Variants in ANXA10 observed in about 807,000 individuals in gnomAD.
The protein encoded by ANXA10 is annexin A10.
ANXA10 carries 49 observed loss-of-function variants against 53.5 expected under a neutral mutation model. That is an observed-to-expected ratio of 0.92 (90% CI 0.73 to 1.16). The LOEUF (loss-of-function observed/expected upper bound fraction) is 1.16. ANXA10 is among the 50% of genes most tolerant of loss of function. ANXA10 has a pLI of 0.00. For synonymous variants in ANXA10, 131 were observed against 128.9 expected (o/e 1.02, Z -0.11); for missense variants, 393 against 394.4 (o/e 1.00, Z 0.03).
chr4:168,178,237 G>C (rs1376699469), intron 8 of ANXA10: 8 of 448,120 alleles, frequency 1.8e-5, no homozygotes, highest in South Asian at 1.0e-4. Context: ...GTATTTGATG[G>C]AGTACTTATT....
At chr4:168,164,312 T>C in intron 5 of ANXA10, 24 bp downstream of exon 5, 1 of 1,513,158 alleles carries the variant, frequency 6.6e-7, no homozygotes, top group Admixed American at 1.7e-5. Context: ...CATATGTGAA[T>C]ATATTTTACA....
chr4:168,135,394 C>T (rs1263233349), intron 2 of ANXA10, among the ~76,000 whole-genome samples: 1 of 152,142 alleles, frequency 6.6e-6, no homozygotes, highest in Non-Finnish European at 1.5e-5. Context: ...CTGCAAGAGG[C>T]TGGGAGGAGA....
intron 1 of ANXA10, among the ~76,000 whole-genome samples, chr4:168,095,454 T>C (rs1730526462): frequency 6.6e-6 from 1 of 152,066 alleles, no homozygotes; most frequent in African/African-American, 2.4e-5. Flanking sequence ...AAAAGTAGGA[T>C]ACATGTTGAT....
intron 8 of ANXA10, 65 bp from the exon 9 acceptor site, chr4:168,179,152 A>T: frequency 1.0e-6 from 1 of 995,476 alleles, no homozygotes; most frequent in African/African-American, 1.6e-5. Flanking sequence ...TACTATGTGT[A>T]ACAATCTAAT....
At position 168,164,199 on chromosome 4, in the gene ANXA10, G is replaced by A. The variant is rs1194895863; in HGVS notation, c.311G>A (p.Gly104Glu). 1 of 1,602,580 alleles carries A rather than the reference G, an allele frequency of 6.2e-7. No homozygotes were observed. Among genetic ancestry groups the A allele is most frequent in the African/African-American group, 1.3e-5 (1 of 74,552 alleles). Residue 104 changes from glycine (G) to glutamate (E), a missense_variant and splice_region_variant, in exon 5 of 12, where the codon GGA becomes GAA. Physicochemically the swap from Gly to Glu is moderately conservative, Grantham distance 98 (BLOSUM62 -2). Coordinates refer to ENST00000359299, the MANE Select transcript of ANXA10 (RefSeq NM_007193.5). Reference sequence around the variant, plus strand: ...TTATCTCTTTTTTCCTTTCTCTAGGGAGTAGGCACTGATGAGAATTGCCTC... The same window carrying A: ...TTATCTCTTTTTTCCTTTCTCTAGGAAGTAGGCACTGATGAGAATTGCCTC... ...DAHELWHAMKGVGTDENCLIE... is the reference protein window; with the variant it reads ...DAHELWHAMKEVGTDENCLIE...
chr4:168,117,734 G>A (rs1001308142), intron 1 of ANXA10, among the ~76,000 whole-genome samples: 2 of 152,126 alleles, frequency 1.3e-5, no homozygotes, highest in Non-Finnish European at 2.9e-5. Flanking sequence ...AAATAAATGT[G>A]AGCTATACAT....
chr4:168,179,104 G>A (rs1732188570), intron 8 of ANXA10, 113 bp from the exon 9 acceptor site: 1 of 664,684 alleles, frequency 1.5e-6, no homozygotes, highest in Non-Finnish European at 2.6e-6. Context: ...ATTGATAACA[G>A]TAGTACTTTT....
intron 6 of ANXA10, among the ~76,000 whole-genome samples, chr4:168,166,585 A>C (rs1220257995): frequency 6.6e-6 from 1 of 151,954 alleles, no homozygotes; most frequent in African/African-American, 2.4e-5. Context: ...CAGCTGAGAA[A>C]CATGTCTTAA....
intron 1 of ANXA10, among the ~76,000 whole-genome samples, chr4:168,105,372 T>C (rs10027219): frequency 0.33 from 49,939 of 151,848 alleles, 8,617 homozygotes; most frequent in Admixed American, 0.41. Context: ...GTGATATTTG[T>C]TTTTCTCTTC....
In ANXA10 at chr4:168,118,134, A is replaced by C. The variant is rs140505346; in HGVS notation, c.19-9950A>C. Reference sequence around the variant, plus strand: ...ATCAATTTATAACCAAACAATGTTGATCAAAATGACGTAACTAGAGGACCT... The same window carrying C: ...ATCAATTTATAACCAAACAATGTTGCTCAAAATGACGTAACTAGAGGACCT... On this transcript the variant is annotated intron_variant, in intron 1 of 11. Transcript: ENST00000359299. 1.6e-3 allele frequency among the ~76,000 whole-genome samples: 247 copies of C among 151,996 alleles called. 1 individual carries two copies. The highest frequency in any genetic ancestry group is 5.5e-3 in the African/African-American group (227 of 41,426).
chr4:168,164,510 T>C (rs1295904537), intron 5 of ANXA10, among the ~76,000 whole-genome samples: 2 of 151,974 alleles, frequency 1.3e-5, no homozygotes, highest in Non-Finnish European at 1.5e-5. Context: ...TCCAGGAAAA[T>C]AATTACAAGT....
At chr4:168,104,594 T>C (rs1730689633) in intron 1 of ANXA10, among the ~76,000 whole-genome samples, 1 of 151,968 alleles carries the variant, frequency 6.6e-6, no homozygotes, top group Non-Finnish European at 1.5e-5. Flanking sequence ...TTAAGTTAAC[T>C]GCTTTTCTTG....
In ANXA10 at chr4:168,177,488, T is replaced by G. The variant is rs1318323967; in HGVS notation, c.481-252T>G. On this transcript the variant is annotated intron_variant, in intron 6 of 11. Transcript: ENST00000359299. ...CACAGAGACTTGGAAAACTGAAAAA[T>G]GCCTAAATGTCTTTCAAACATTACC... 2.6e-5 allele frequency among the ~76,000 whole-genome samples: 4 copies of G among 152,208 alleles called. No individual in the cohort carries two copies. The East Asian group carries it at 7.7e-4, about 29-fold the overall frequency.
At chr4:168,148,021 C>T (rs1316043303) in intron 3 of ANXA10, among the ~76,000 whole-genome samples, 4 of 152,188 alleles carry the variant, frequency 2.6e-5, no homozygotes, top group African/African-American at 9.7e-5. Context: ...TTGGCCTACA[C>T]AAAGTCCTCC....
intron 5 of ANXA10, among the ~76,000 whole-genome samples, chr4:168,164,858 AAAAC>A (rs1731847223): frequency 6.6e-6 from 1 of 152,208 alleles, no homozygotes; most frequent in Non-Finnish European, 1.5e-5. Context: ...CATTCAAACA[AAAAC>A]AAGACTTTTC....
intron 4 of ANXA10, 130 bp downstream of exon 4, chr4:168,162,771 T>A: frequency 1.4e-6 from 1 of 729,038 alleles, no homozygotes; most frequent in Non-Finnish European, 2.3e-6. Context: ...TAAACAATGA[T>A]GTAACAATGG....
At chr4:168,145,759 C>T (rs532311745) in intron 3 of ANXA10, among the ~76,000 whole-genome samples, 5 of 152,170 alleles carry the variant, frequency 3.3e-5, no homozygotes, top group South Asian at 2.1e-4. Context: ...TTCCAGGAAC[C>T]GCTGAATTCA....
intron 1 of ANXA10, among the ~76,000 whole-genome samples, chr4:168,100,221 G>A (rs925244422): frequency 6.6e-5 from 10 of 152,102 alleles, no homozygotes; most frequent in Non-Finnish European, 1.5e-4. Context: ...GATTTAGAGA[G>A]ACATGTAGAC....
At chr4:168,139,353 A>T in intron 2 of ANXA10, 133 bp from the exon 3 acceptor site, 1 of 592,354 alleles carries the variant, frequency 1.7e-6, no homozygotes, top group East Asian at 2.9e-5. Context: ...TTCCAATTTT[A>T]GTTAAAATTG....
Sources: allele counts gnomAD v4.1 joint callset (sites outside exome capture counted in the v4.1 genomes callset), GRCh38; gene constraint gnomAD v4.1.1; transcripts MANE v1.5; gene names NCBI Gene and HGNC (gene_info 2026-07-23, HGNC 2026-07-21).